The following CDK17 variants were observed in gnomAD, a reference collection of about 807,000 sequenced individuals.
The protein encoded by CDK17 is cyclin dependent kinase 17, also known as cyclin-dependent kinase 17.
A neutral mutation model predicts 77.6 loss-of-function variants in CDK17; 24 were observed. The observed-to-expected ratio is 0.31, with a 90% CI of 0.22 to 0.44. The LOEUF (loss-of-function observed/expected upper bound fraction) is 0.44. Among genes scored for constraint, CDK17 ranks in the 20% least tolerant of loss-of-function variants. The pLI is 1.00. For missense variants in CDK17, 429 were observed against 622.5 expected, an observed-to-expected ratio of 0.69 and a Z score of 3.31; for synonymous variants, 203 against 210.4, an observed-to-expected ratio of 0.96 and a Z score of 0.30.
chr12:96,376,825 A>C (rs1013141727), intron 1 of CDK17, among the ~76,000 whole-genome samples: 1 of 152,218 alleles, frequency 6.6e-6, no homozygotes, highest in African/African-American at 2.4e-5. Flanking sequence ...CAGGTTTAAT[A>C]ATCTAAAAAG....
chr12:96,370,118 TG>T (rs1953667931), intron 1 of CDK17, among the ~76,000 whole-genome samples: 2 of 152,168 alleles, frequency 1.3e-5, no homozygotes. Flanking sequence ...TCTTATCAGG[TG>T]TTTAGGATAT....
intron 1 of CDK17, among the ~76,000 whole-genome samples, chr12:96,383,506 C>G (rs987047383): frequency 1.3e-5 from 2 of 151,650 alleles, no homozygotes; most frequent in Non-Finnish European, 2.9e-5. Context: ...ATCATACTAC[C>G]CGACTTAAAA....
intron 1 of CDK17, among the ~76,000 whole-genome samples, chr12:96,398,423 T>C (rs1000712060): frequency 2.0e-5 from 3 of 152,204 alleles, no homozygotes; most frequent in African/African-American, 4.8e-5. Context: ...CCAATTATAT[T>C]ACCACTAGCA....
intron 2 of CDK17, among the ~76,000 whole-genome samples, chr12:96,324,890 C>T (rs1054345971): frequency 8.5e-5 from 13 of 152,128 alleles, no homozygotes; most frequent in Admixed American, 3.9e-4. Context: ...TGAATAAAAC[C>T]GAAGTACCTA....
intron 6 of CDK17, among the ~76,000 whole-genome samples, chr12:96,299,493 C>T (rs146668991): frequency 0.01 from 1,554 of 150,384 alleles, 47 homozygotes; most frequent in Admixed American, 0.062. Context: ...CGGTTCCAAG[C>T]GATTCTCCTG....
At chr12:96,341,318 TAC>T (rs10656968) in intron 1 of CDK17, among the ~76,000 whole-genome samples, 9,661 of 148,712 alleles carry the variant, frequency 0.065, 397 homozygotes, top group African/African-American at 0.11. Context: ...ATCATATACA[TAC>T]ACACACACAC....
chr12:96,391,031 G>A (rs988828002), intron 1 of CDK17, among the ~76,000 whole-genome samples: 11 of 148,516 alleles, frequency 7.4e-5, no homozygotes, highest in African/African-American at 2.7e-4. Context: ...AGGTTGTAGT[G>A]AGCTGAGATT....
intron 2 of CDK17, among the ~76,000 whole-genome samples, chr12:96,327,027 A>G (rs1478871247): frequency 6.6e-6 from 1 of 152,190 alleles, no homozygotes; most frequent in African/African-American, 2.4e-5. Flanking sequence ...AGACTACAAA[A>G]GGTAACACGA....
chr12:96,380,195 A>G (rs12829581), intron 1 of CDK17, among the ~76,000 whole-genome samples: 1 of 148,140 alleles, frequency 6.8e-6, no homozygotes, highest in South Asian at 2.1e-4. Context: ...CAAAAAAAAA[A>G]CCCAAAAAAG....
chr12:96,351,113 C>A (rs1953304993), intron 1 of CDK17, among the ~76,000 whole-genome samples: 1 of 152,096 alleles, frequency 6.6e-6, no homozygotes, highest in Non-Finnish European at 1.5e-5. Flanking sequence ...TGGAGAAATG[C>A]AAACCAAAAC....
chr12:96,308,253 GT>G (rs139654254), intron 5 of CDK17, among the ~76,000 whole-genome samples: 10,094 of 124,366 alleles, frequency 0.081, 531 homozygotes, highest in South Asian at 0.19. Flanking sequence ...AAAAAAAAAA[GT>G]TTTTTAATTA....
chr12:96,291,993 G>C (rs1428882609), intron 10 of CDK17, among the ~76,000 whole-genome samples: 2 of 151,990 alleles, frequency 1.3e-5, no homozygotes, highest in Non-Finnish European at 2.9e-5. Context: ...ATAGTGGCTG[G>C]GGGAAGGAAA....
At position 96,282,442 on chromosome 12, in the gene CDK17, T is replaced by C. The variant is rs577288783; in HGVS notation, c.1456+67A>G. ...TAAAAATCAATAGCCATCTCCCCAA[T>C]CACCCCAGACCCTAACCTTGGACAA... is the stretch of plus-strand genomic sequence containing the variant. On this transcript the variant is annotated intron_variant, in intron 15 of 16. Transcript: ENST00000261211. 2.1e-4 allele frequency: 209 copies of C among 999,934 alleles called. 1 individual carries two copies. Among genetic ancestry groups the C allele is most frequent in the Non-Finnish European group, 1.9e-5 (12 of 636,580 alleles). The allele number at this position is 999,934 out of a possible 1,614,324, so 61.9% of individuals were successfully genotyped here.
At chr12:96,351,500 T>A (rs1479354072) in intron 1 of CDK17, among the ~76,000 whole-genome samples, 1 of 152,110 alleles carries the variant, frequency 6.6e-6, no homozygotes, top group Non-Finnish European at 1.5e-5. Context: ...ACAACACAGA[T>A]GAGCCTTGAG....
chr12:96,353,910 G>GA (rs895708660), intron 1 of CDK17, among the ~76,000 whole-genome samples: 2 of 152,010 alleles, frequency 1.3e-5, no homozygotes, highest in Non-Finnish European at 2.9e-5. Flanking sequence ...CTAGAACTCA[G>GA]AAAAAAAGTC....
rs553410601 is a variant in CDK17, at chr12:96,307,021, C to T, written c.543+4031G>A. Reference sequence around the variant, plus strand: ...TGAAAAGGGAAGTAGGCAGGCCAGGCGCAGGGGCTCACGCCTGTAATCCCA... The same window carrying T: ...TGAAAAGGGAAGTAGGCAGGCCAGGTGCAGGGGCTCACGCCTGTAATCCCA... On this transcript the variant is annotated intron_variant, in intron 5 of 16. Transcript: ENST00000261211. Among the ~76,000 whole-genome samples, 137 of 150,520 alleles carry T rather than the reference C, an allele frequency of 9.1e-4. 1 individual carries two copies. The South Asian group carries it at 0.013, about 14-fold the overall frequency.
intron 1 of CDK17, among the ~76,000 whole-genome samples, chr12:96,380,383 A>G (rs1305883150): frequency 5.3e-5 from 8 of 150,468 alleles, no homozygotes; most frequent in Non-Finnish European, 7.4e-5. Context: ...CTGGGTTCAT[A>G]TAATTCTCTG....
chr12:96,389,026 T>TTA lies in CDK17; in HGVS notation c.-30+10959_-30+10960insTA, dbSNP rs60847006. ...TACCTCCCACCAGGCCTCACTTTTTTTTATTATTATTATTATTATTTTTTG... is the reference window on the plus strand; with the variant it reads ...TACCTCCCACCAGGCCTCACTTTTTTTATTATTATTATTATTATTATTTTTTG... On this transcript the variant is annotated intron_variant, in intron 1 of 16. Transcript: ENST00000261211. Among the ~76,000 whole-genome samples, 313 of 150,970 alleles carry TTA rather than the reference T, an allele frequency of 2.1e-3. 2 individuals carry two copies. Among genetic ancestry groups the TTA allele is most frequent in the Non-Finnish European group, 3.0e-3 (202 of 67,762 alleles).
At chr12:96,397,751 C>T (rs1020962915) in intron 1 of CDK17, among the ~76,000 whole-genome samples, 1 of 151,868 alleles carries the variant, frequency 6.6e-6, no homozygotes, top group African/African-American at 2.4e-5. Context: ...GATAAATATG[C>T]AGGAAAAAAA....
Sources: allele counts gnomAD v4.1 joint callset (sites outside exome capture counted in the v4.1 genomes callset), GRCh38; gene constraint gnomAD v4.1.1; transcripts MANE v1.5; gene names NCBI Gene and HGNC (gene_info 2026-07-23, HGNC 2026-07-21).